NCKAP5: variants seen among roughly 807,000 people sequenced by gnomAD.
NCKAP5 encodes nck-associated protein 5.
In NCKAP5, 92 loss-of-function variants were observed where a neutral mutation model predicts 167.0. That is an observed-to-expected ratio of 0.55 (90% CI 0.47 to 0.66). NCKAP5 has a LOEUF of 0.66. Ranked by LOEUF, NCKAP5 falls within the 30% of genes least tolerant of loss-of-function variation. NCKAP5 has a pLI of 0.00. For synonymous variants in NCKAP5, 891 were observed against 877.4 expected, an observed-to-expected ratio of 1.02 and a Z score of -0.27; for missense variants, 2,378 against 2,315.0, an observed-to-expected ratio of 1.03 and a Z score of -0.56.
At chr2:133,541,661 T>G (rs1686234095) in intron 2 of NCKAP5, among the ~76,000 whole-genome samples, 1 of 152,058 alleles carries the variant, frequency 6.6e-6, no homozygotes, top group Non-Finnish European at 1.5e-5. Context: ...GTTAATAATT[T>G]TTTGTTGAAT....
At chr2:133,494,007 A>G (rs190223376) in intron 3 of NCKAP5, among the ~76,000 whole-genome samples, 1 of 152,186 alleles carries the variant, frequency 6.6e-6, no homozygotes, top group East Asian at 1.9e-4. Flanking sequence ...TGACATCAGG[A>G]AAGTTTGGGT....
At chr2:133,108,330 C>T (rs561887402) in intron 6 of NCKAP5, among the ~76,000 whole-genome samples, 1 of 152,182 alleles carries the variant, frequency 6.6e-6, no homozygotes, top group Non-Finnish European at 1.5e-5. Context: ...ATACCAGCAT[C>T]CCAGGATAGC....
At chr2:132,742,850 G>A (rs1679321428) in intron 16 of NCKAP5, among the ~76,000 whole-genome samples, 1 of 151,868 alleles carries the variant, frequency 6.6e-6, no homozygotes, top group African/African-American at 2.4e-5. Flanking sequence ...TGTGACTGTA[G>A]TTGAAATGTT....
intron 8 of NCKAP5, among the ~76,000 whole-genome samples, chr2:132,906,917 T>C (rs2148934231): frequency 6.6e-6 from 1 of 152,330 alleles, no homozygotes; most frequent in African/African-American, 2.4e-5. Flanking sequence ...GGATTCAGGC[T>C]ACAATAGAAT....
intron 7 of NCKAP5, among the ~76,000 whole-genome samples, chr2:132,985,070 T>C (rs1449360155): frequency 4.0e-5 from 6 of 151,814 alleles, no homozygotes; most frequent in Non-Finnish European, 5.9e-5. Flanking sequence ...GGTACATACA[T>C]TGGCAATAAC....
At chr2:133,423,521 T>G (rs759439437) in intron 3 of NCKAP5, among the ~76,000 whole-genome samples, 2 of 152,178 alleles carry the variant, frequency 1.3e-5, no homozygotes, top group African/African-American at 2.4e-5. Flanking sequence ...ATTAGGAATA[T>G]TATATGTTAT....
the NCKAP5 span, among the ~76,000 whole-genome samples, chr2:133,583,494 G>C: frequency 6.6e-6 from 1 of 152,136 alleles, no homozygotes; most frequent in Non-Finnish European, 1.5e-5. Flanking sequence ...CTGCACTGCT[G>C]TAAGCCAATT....
intron 11 of NCKAP5, among the ~76,000 whole-genome samples, chr2:132,851,444 G>C (rs1689071670): frequency 1.3e-5 from 2 of 152,140 alleles, no homozygotes; most frequent in South Asian, 4.1e-4. Context: ...GATCACACTG[G>C]GGGCTACTGT....
intron 3 of NCKAP5, among the ~76,000 whole-genome samples, chr2:133,489,790 C>T (rs1681277975): frequency 6.6e-6 from 1 of 152,190 alleles, no homozygotes; most frequent in Non-Finnish European, 1.5e-5. Flanking sequence ...GGACATTGGA[C>T]CATTCCATTT....
At chr2:132,787,326 T>C (rs556555608) in intron 13 of NCKAP5, among the ~76,000 whole-genome samples, 1 of 135,560 alleles carries the variant, frequency 7.4e-6, no homozygotes, top group Non-Finnish European at 1.5e-5. Context: ...CCCTCCCAGG[T>C]GACAGAGCGA....
chr2:133,552,670 C>T (rs1687433578), intron 2 of NCKAP5, among the ~76,000 whole-genome samples: 8 of 142,702 alleles, frequency 5.6e-5, no homozygotes, highest in Admixed American at 4.2e-4. Flanking sequence ...GGGTGCAGTG[C>T]ACCAGCATGG....
intron 3 of NCKAP5, among the ~76,000 whole-genome samples, chr2:133,446,577 C>A (rs1274135471): frequency 6.6e-6 from 1 of 152,172 alleles, no homozygotes; most frequent in East Asian, 1.9e-4. Context: ...GGAGACCAGG[C>A]CGCCTGGTCC....
At chr2:133,500,429 C>T (rs912210818) in intron 3 of NCKAP5, among the ~76,000 whole-genome samples, 9 of 152,170 alleles carry the variant, frequency 5.9e-5, no homozygotes, top group African/African-American at 2.2e-4. Context: ...CTTTCTGCTG[C>T]AGCATTTTGG....
intron 16 of NCKAP5, among the ~76,000 whole-genome samples, chr2:132,760,360 T>G (rs1379572769): frequency 6.6e-6 from 1 of 152,180 alleles, no homozygotes; most frequent in Admixed American, 6.5e-5. Context: ...TCACTGAGTA[T>G]TCACTTCTAG....
chr2:133,378,066 C>T (rs993382361), intron 3 of NCKAP5, among the ~76,000 whole-genome samples: 14 of 152,028 alleles, frequency 9.2e-5, no homozygotes, highest in Non-Finnish European at 1.5e-4. Flanking sequence ...TAAAAAGATA[C>T]CTTAATAGCT....
chr2:132,924,173 C>A (rs561946486), intron 8 of NCKAP5, among the ~76,000 whole-genome samples: 1 of 152,280 alleles, frequency 6.6e-6, no homozygotes, highest in African/African-American at 2.4e-5. Context: ...TGCTATGCTA[C>A]AGAAGAGACA....
In NCKAP5 at chr2:132,731,932, G is replaced by T; in HGVS notation, c.5248C>A (p.Pro1750Thr). Reference protein sequence around the residue: ...CQPDSPEDAEPLLPLQSALSA... With the variant: ...CQPDSPEDAETLLPLQSALSA... ...AGGGCTGACTGGAGAGGCAGGAGAG[G>T]CTCAGCGTCCTCTGGGGAGTCTGGC... is the stretch of plus-strand genomic sequence containing the variant. Residue 1750 changes from proline (P) to threonine (T), a missense_variant, in exon 17 of 20, where the codon CCT becomes ACT. Physicochemically the swap from Pro to Thr is conservative, Grantham distance 38. Around this residue, in one of 3 missense-constraint regions of NCKAP5, gnomAD observed 1,325 missense variants for 1,274.5 expected, o/e 1.04. Coordinates refer to ENST00000409261, the MANE Select transcript of NCKAP5 (RefSeq NM_207363.3). 1 of 1,613,940 alleles carries T rather than the reference G, an allele frequency of 6.2e-7. No individual in the cohort carries two copies. The highest frequency in any genetic ancestry group is 1.1e-5 in the South Asian group (1 of 91,082).
chr2:133,309,534 A>C (rs1018774792), intron 3 of NCKAP5, among the ~76,000 whole-genome samples: 1 of 152,244 alleles, frequency 6.6e-6, no homozygotes, highest in Non-Finnish European at 1.5e-5. Context: ...AATTTTACAA[A>C]GGTACAGCAT....
At chr2:132,948,374 G>A (rs1342749306) in intron 8 of NCKAP5, among the ~76,000 whole-genome samples, 1 of 152,120 alleles carries the variant, frequency 6.6e-6, no homozygotes, top group Non-Finnish European at 1.5e-5. Context: ...CCAACTAGTT[G>A]CAGAGAGAAG....
Sources: gnomAD v4.1 joint callset for allele counts (sites outside exome capture counted in the v4.1 genomes callset) on GRCh38, gnomAD v4.1.1 for gene constraint, gnomAD v4.1.1 regional missense constraint, MANE v1.5 for transcripts, NCBI Gene and HGNC (gene_info 2026-07-23, HGNC 2026-07-21) for gene names.